The following FUT9 variants were observed in gnomAD, a reference collection of about 807,000 sequenced individuals.
FUT9 encodes 4-galactosyl-N-acetylglucosaminide 3-alpha-L-fucosyltransferase 9.
A neutral mutation model predicts 29.7 loss-of-function variants in FUT9; 15 were observed. The ratio of observed to expected loss-of-function variants is 0.51; its 90% CI spans 0.34 to 0.78. The LOEUF is 0.78. FUT9 is among the 30% of genes least tolerant of loss of function. FUT9 has a pLI of 0.01. For missense variants in FUT9, 319 were observed against 425.4 expected, an observed-to-expected ratio of 0.75 and a Z score of 2.20; for synonymous variants, 169 against 153.7, an observed-to-expected ratio of 1.10 and a Z score of -0.74.
Position 96,067,911 on chromosome 6 carries a change from A to G in FUT9, c.-97-46128A>G, listed in dbSNP as rs1353074053. Among the ~76,000 whole-genome samples the G allele has an allele frequency of 5.3e-5, 8 of 152,126 alleles. No homozygotes were observed. The South Asian group carries it at 1.2e-3, about 24-fold the overall frequency. ...CTTCATAGGATTGTTGTGATGATTA[A>G]TGAGTTAGTACATGTAAAGCTCTTA... is the stretch of plus-strand genomic sequence containing the variant. On this transcript the variant is annotated intron_variant, in intron 1 of 2. Coordinates refer to ENST00000302103, the MANE Select transcript of FUT9 (RefSeq NM_006581.4).
At position 96,142,723 on chromosome 6, in the gene FUT9, T is replaced by A. The variant is rs141684447; in HGVS notation, c.-9+28596T>A. 1.2e-4 allele frequency among the ~76,000 whole-genome samples: 18 copies of A among 152,142 alleles called. No homozygotes were observed. In the East Asian group the frequency reaches 3.1e-3, roughly 26 times the overall value. On this transcript the variant is annotated intron_variant, in intron 2 of 2. Coordinates refer to ENST00000302103, the MANE Select transcript of FUT9 (RefSeq NM_006581.4). The stretch of plus-strand genomic sequence containing the variant: ...CAGAGAGAAATAGCGAATAGAAGGA[T>A]CATGATATATTATTTTGTTTATGCT...
intron 1 of FUT9, among the ~76,000 whole-genome samples, chr6:96,089,248 A>G (rs767299847): frequency 3.3e-5 from 5 of 152,162 alleles, no homozygotes; most frequent in Admixed American, 2.0e-4. Context: ...TCTTCTGCAT[A>G]TATCTAGAGA....
At chr6:96,188,275 T>C (rs1773440562) in intron 2 of FUT9, among the ~76,000 whole-genome samples, 1 of 151,898 alleles carries the variant, frequency 6.6e-6, no homozygotes, top group Non-Finnish European at 1.5e-5. Context: ...TATGTATATA[T>C]ATAATTTTTA....
intron 1 of FUT9, among the ~76,000 whole-genome samples, chr6:96,109,392 AT>A (rs1352611220): frequency 1.3e-5 from 2 of 152,314 alleles, no homozygotes; most frequent in South Asian, 4.1e-4. Context: ...ACTGAAAACA[AT>A]TATATAAAAC....
At chr6:96,054,245 G>T (rs1173590210) in intron 1 of FUT9, among the ~76,000 whole-genome samples, 1 of 152,112 alleles carries the variant, frequency 6.6e-6, no homozygotes, top group African/African-American at 2.4e-5. Context: ...TGGGTATTGT[G>T]CCCAGTGCTG....
At chr6:96,143,082 C>G (rs1772495464) in intron 2 of FUT9, among the ~76,000 whole-genome samples, 1 of 152,092 alleles carries the variant, frequency 6.6e-6, no homozygotes, top group African/African-American at 2.4e-5. Flanking sequence ...GTTTGCGCCC[C>G]TCTCAAAATT....
chr6:96,213,656 T>C lies in FUT9; in HGVS notation c.*9421T>C, dbSNP rs938896649. Reference sequence around the variant, plus strand: ...ATGTATTATTGCGATGCAGACCCAATAGGGTTATTTTAAGCACACTAATTA... The same window carrying C: ...ATGTATTATTGCGATGCAGACCCAACAGGGTTATTTTAAGCACACTAATTA... On this transcript the variant is annotated 3_prime_UTR_variant, in exon 3 of 3. Coordinates refer to ENST00000302103, the MANE Select transcript of FUT9 (RefSeq NM_006581.4). 14 of 166,848 alleles carry C rather than the reference T, an allele frequency of 8.4e-5. No individual in the cohort carries two copies. Among genetic ancestry groups the C allele is most frequent in the African/African-American group, 2.9e-4 (12 of 41,450 alleles). 10.3% of individuals were successfully genotyped at this position (166,848 alleles called of 1,614,324 possible). A position where few individuals can be genotyped will look rare whatever the true frequency, so the allele number is the denominator to read the frequency against.
intron 1 of FUT9, among the ~76,000 whole-genome samples, chr6:96,081,315 C>T (rs1771233702): frequency 6.6e-6 from 1 of 151,230 alleles, no homozygotes; most frequent in African/African-American, 2.4e-5. Flanking sequence ...CTTTCACACA[C>T]AAACACACAC....
At chr6:96,039,259 A>G (rs1770413803) in intron 1 of FUT9, among the ~76,000 whole-genome samples, 1 of 152,054 alleles carries the variant, frequency 6.6e-6, no homozygotes, top group African/African-American at 2.4e-5. Flanking sequence ...AGTGAAAACC[A>G]AGCAATGGAG....
Position 96,136,924 on chromosome 6 carries a change from T to G in FUT9, c.-9+22797T>G, listed in dbSNP as rs370399670. 7.6e-4 allele frequency among the ~76,000 whole-genome samples: 116 copies of G among 152,094 alleles called. 5 individuals carry two copies. In the East Asian group the frequency reaches 0.016, roughly 21 times the overall value. ...ACTTTTAATGACTTATGAATCAGAC[T>G]TGATATTTACAGCATGCAGACTGCA... On this transcript the variant is annotated intron_variant, in intron 2 of 2. Coordinates refer to ENST00000302103, the MANE Select transcript of FUT9 (RefSeq NM_006581.4).
rs1167414887 is a variant in FUT9 at position 96,209,477 on chromosome 6, T to A, written c.*5242T>A. The A allele has an allele frequency of 1.2e-5, 2 of 166,862 alleles. No individual in the cohort carries two copies. The highest frequency in any genetic ancestry group is 4.8e-5 in the African/African-American group (2 of 41,430). The allele number at this position is 166,862 out of a possible 1,614,324, so 10.3% of individuals were successfully genotyped here. A position where few individuals can be genotyped will look rare whatever the true frequency, so the allele number is the denominator to read the frequency against. Reference sequence around the variant, plus strand: ...TCTTAATTGCCTGCAGAAAAATCAATCATATTTTAGGCATTATTTTGAAAT... The same window carrying A: ...TCTTAATTGCCTGCAGAAAAATCAAACATATTTTAGGCATTATTTTGAAAT... On this transcript the variant is annotated 3_prime_UTR_variant, in exon 3 of 3. Coordinates refer to ENST00000302103, the MANE Select transcript of FUT9 (RefSeq NM_006581.4).
At position 96,212,103 on chromosome 6, in the gene FUT9, C is replaced by A. The variant is rs917033513; in HGVS notation, c.*7868C>A. 4.8e-6 allele frequency: 2 copies of A among 412,594 alleles called. No individual in the cohort carries two copies. The highest frequency in any genetic ancestry group is 4.4e-6 in the Non-Finnish European group (1 of 225,546). 25.6% of individuals were successfully genotyped at this position (412,594 alleles called of 1,614,324 possible). A position where few individuals can be genotyped will look rare whatever the true frequency, so the allele number is the denominator to read the frequency against. ...GGTTCAGGAAATAGAAAGGCAGTCT[C>A]TGCAGAAGCAGTATCCAAAGGCTAA... On this transcript the variant is annotated 3_prime_UTR_variant, in exon 3 of 3. Coordinates refer to ENST00000302103, the MANE Select transcript of FUT9 (RefSeq NM_006581.4).
chr6:96,145,136 C>G (rs958387614), intron 2 of FUT9, among the ~76,000 whole-genome samples: 1 of 152,148 alleles, frequency 6.6e-6, no homozygotes, highest in Non-Finnish European at 1.5e-5. Flanking sequence ...CGGCTCACTG[C>G]AAGCTCCATC....
intron 1 of FUT9, among the ~76,000 whole-genome samples, chr6:96,068,220 G>T (rs948872178): frequency 6.6e-6 from 1 of 151,992 alleles, no homozygotes; most frequent in African/African-American, 2.4e-5. Context: ...CATATTTGAG[G>T]CCATGAAATA....
rs367809118 is a variant in FUT9 at position 96,213,301 on chromosome 6, C to A, written c.*9066C>A. 6.0e-6 allele frequency: 1 copy of A among 166,854 alleles called. No individual in the cohort carries two copies. Among genetic ancestry groups the A allele is most frequent in the East Asian group, 1.9e-4 (1 of 5,176 alleles). The allele number at this position is 166,854 out of a possible 1,614,324, so 10.3% of individuals were successfully genotyped here. A position where few individuals can be genotyped will look rare whatever the true frequency, so the allele number is the denominator to read the frequency against. On this transcript the variant is annotated 3_prime_UTR_variant, in exon 3 of 3. Coordinates refer to ENST00000302103, the MANE Select transcript of FUT9 (RefSeq NM_006581.4). ...GAATGCACATATAGACACACATATGCCAATATCTTTTTTATGTAGTTCAAG... is the reference window on the plus strand; with the variant it reads ...GAATGCACATATAGACACACATATGACAATATCTTTTTTATGTAGTTCAAG...
chr6:96,193,016 C>A (rs1461278684), intron 2 of FUT9, among the ~76,000 whole-genome samples: 1 of 151,826 alleles, frequency 6.6e-6, no homozygotes, highest in East Asian at 2.0e-4. Context: ...AAACCTGAAA[C>A]GGGATCCCTT....
chr6:96,042,851 T>C (rs989138114), intron 1 of FUT9, among the ~76,000 whole-genome samples: 2 of 152,174 alleles, frequency 1.3e-5, no homozygotes, highest in Admixed American at 6.5e-5. Context: ...TTAGAGCAGG[T>C]AATTATTAAG....
In FUT9 at chr6:96,136,432, C is replaced by T. The variant is rs377238331; in HGVS notation, c.-9+22305C>T. Among the ~76,000 whole-genome samples the T allele has an allele frequency of 4.6e-5, 7 of 151,970 alleles. 1 individual carries two copies. Among genetic ancestry groups the T allele is most frequent in the African/African-American group, 1.4e-4 (6 of 41,534 alleles). On this transcript the variant is annotated intron_variant, in intron 2 of 2. Coordinates refer to ENST00000302103, the MANE Select transcript of FUT9 (RefSeq NM_006581.4). ...TGACAGATACAATTAAAAGTTTTGA[C>T]TTAATTTTACTAAGAAATGAACTCA...
chr6:96,035,010 A>G (rs1384718574), intron 1 of FUT9, among the ~76,000 whole-genome samples: 2 of 151,806 alleles, frequency 1.3e-5, no homozygotes, highest in East Asian at 3.9e-4. Context: ...CAAATTAGCT[A>G]CAATTTTCTA....
Sources: allele counts gnomAD v4.1 joint callset (sites outside exome capture counted in the v4.1 genomes callset), GRCh38; gene constraint gnomAD v4.1.1; transcripts MANE v1.5; gene names NCBI Gene and HGNC (gene_info 2026-07-23, HGNC 2026-07-21).